The following CADM2 variants were observed in gnomAD, a reference collection of about 807,000 sequenced individuals.
CADM2 encodes the protein cell adhesion molecule 2, also known as immunoglobulin superfamily member 4D.
Under a neutral mutation model 49.8 loss-of-function variants are expected in CADM2, and 12 were observed. The observed-to-expected ratio is 0.24, with a 90% confidence interval of 0.15 to 0.39. CADM2 has a LOEUF of 0.39. CADM2 is among the 10% of genes least tolerant of loss of function. The pLI is 1.00. For missense variants in CADM2, 378 were observed against 492.3 expected (o/e 0.77, Z 2.20); for synonymous variants, 214 against 175.4 (o/e 1.22, Z -1.74).
intron 6 of CADM2, among the ~76,000 whole-genome samples, chr3:85,928,314 A>G (rs1016015936): frequency 6.6e-6 from 1 of 152,092 alleles, no homozygotes; most frequent in African/African-American, 2.4e-5. Flanking sequence ...GCATGCCATC[A>G]TGCCCAGCTA....
chr3:85,413,406 A>T (rs978328818), intron 1 of CADM2, among the ~76,000 whole-genome samples: 1 of 152,078 alleles, frequency 6.6e-6, no homozygotes, highest in African/African-American at 2.4e-5. Context: ...TTTGATGCAT[A>T]CATGTTGATA....
chr3:85,184,297 A>G (rs1332831684), intron 1 of CADM2, among the ~76,000 whole-genome samples: 2 of 152,282 alleles, frequency 1.3e-5, no homozygotes, highest in African/African-American at 2.4e-5. Flanking sequence ...GAACTGCAGA[A>G]GTAGGCAACT....
At chr3:85,434,426 T>C (rs2036832871) in intron 1 of CADM2, among the ~76,000 whole-genome samples, 1 of 151,960 alleles carries the variant, frequency 6.6e-6, no homozygotes, top group Non-Finnish European at 1.5e-5. Flanking sequence ...TAACAGTATA[T>C]TCATTCATCT....
chr3:85,301,791 C>T (rs958879526), intron 1 of CADM2, among the ~76,000 whole-genome samples: 15 of 152,028 alleles, frequency 9.9e-5, no homozygotes, highest in Admixed American at 2.0e-4. Context: ...ATATATTTAT[C>T]TCATCATGTG....
chr3:85,210,519 T>C (rs963228755), intron 1 of CADM2, among the ~76,000 whole-genome samples: 2 of 152,132 alleles, frequency 1.3e-5, no homozygotes, highest in African/African-American at 4.8e-5. Context: ...AAGTATTCTC[T>C]TTTCCTCTAT....
At chr3:85,530,817 T>G (rs1395232174) in intron 1 of CADM2, among the ~76,000 whole-genome samples, 3 of 150,980 alleles carry the variant, frequency 2.0e-5, no homozygotes, top group Admixed American at 6.6e-5. Context: ...AGATTGTGTC[T>G]TAGCAATTAA....
chr3:85,792,906 G>A (rs1223777877), intron 2 of CADM2, among the ~76,000 whole-genome samples: 1 of 151,904 alleles, frequency 6.6e-6, no homozygotes. Context: ...GGTAAGAGTG[G>A]CCATAATTTT....
intron 1 of CADM2, among the ~76,000 whole-genome samples, chr3:85,609,047 C>T (rs942421844): frequency 7.9e-5 from 12 of 152,066 alleles, no homozygotes; most frequent in African/African-American, 2.4e-4. Context: ...TCACTCTGTT[C>T]TCCAGGTTTC....
chr3:85,844,759 TAC>T (rs906056441), intron 3 of CADM2, among the ~76,000 whole-genome samples: 2 of 151,826 alleles, frequency 1.3e-5, no homozygotes, highest in Admixed American at 1.3e-4. Context: ...GTAACGAGTG[TAC>T]ACACACACAC....
At chr3:85,984,059 T>C (rs961706093) in intron 8 of CADM2, among the ~76,000 whole-genome samples, 8 of 149,512 alleles carry the variant, frequency 5.4e-5, no homozygotes, top group Non-Finnish European at 1.2e-4. Context: ...TCTTATATTA[T>C]ACATAATACA....
chr3:85,747,044 A>G (rs1351690225), intron 2 of CADM2, among the ~76,000 whole-genome samples: 3 of 152,134 alleles, frequency 2.0e-5, no homozygotes, highest in African/African-American at 7.2e-5. Flanking sequence ...GAGAAGACCA[A>G]AGCAGATCTG....
intron 3 of CADM2, among the ~76,000 whole-genome samples, chr3:85,881,275 C>T (rs1332612089): frequency 6.6e-6 from 1 of 151,614 alleles, no homozygotes; most frequent in East Asian, 1.9e-4. Context: ...CTAAGGTTTT[C>T]TGTTTTTTTT....
At chr3:86,028,930 A>G (rs1357751126) in intron 8 of CADM2, among the ~76,000 whole-genome samples, 2 of 152,192 alleles carry the variant, frequency 1.3e-5, no homozygotes, top group Non-Finnish European at 2.9e-5. Flanking sequence ...CAAGTGGGAC[A>G]TTAAAAAGGG....
intron 1 of CADM2, among the ~76,000 whole-genome samples, chr3:85,399,830 C>G (rs1206248080): frequency 6.6e-6 from 1 of 152,142 alleles, no homozygotes; most frequent in Non-Finnish European, 1.5e-5. Flanking sequence ...TATCCTGAGA[C>G]TTTTCTGAAG....
intron 1 of CADM2, among the ~76,000 whole-genome samples, chr3:85,621,323 G>T (rs1468185681): frequency 6.6e-6 from 1 of 152,010 alleles, no homozygotes; most frequent in Non-Finnish European, 1.5e-5. Flanking sequence ...TTCCTGAGTT[G>T]TTTTTTAAAT....
intron 2 of CADM2, among the ~76,000 whole-genome samples, chr3:85,736,309 A>G (rs148445146): frequency 4.6e-5 from 7 of 152,346 alleles, no homozygotes; most frequent in African/African-American, 1.2e-4. Flanking sequence ...TAAATTAATC[A>G]TATAATCACC....
At chr3:85,411,368 A>G (rs556892997) in intron 1 of CADM2, among the ~76,000 whole-genome samples, 3 of 152,198 alleles carry the variant, frequency 2.0e-5, no homozygotes, top group Non-Finnish European at 4.4e-5. Context: ...AATGTTAATA[A>G]AAATTTCAAA....
intron 7 of CADM2, among the ~76,000 whole-genome samples, chr3:85,943,639 C>G (rs1722259403): frequency 6.6e-6 from 1 of 152,140 alleles, no homozygotes; most frequent in South Asian, 2.1e-4. Context: ...CGCTACCTGA[C>G]TTCAAACTAT....
At chr3:85,359,666 A>ATATATATATATATATATT in intron 1 of CADM2, among the ~76,000 whole-genome samples, 19 of 26,544 alleles carry the variant, frequency 7.2e-4, no homozygotes, top group African/African-American at 1.4e-3. Context: ...ATATATATAT[A>ATATATATATATATATATT]TTTTTTTTTT....
Sources: allele counts gnomAD v4.1 joint callset (sites outside exome capture counted in the v4.1 genomes callset), GRCh38; gene constraint gnomAD v4.1.1; transcripts MANE v1.5; gene names NCBI Gene and HGNC (gene_info 2026-07-23, HGNC 2026-07-21).